BPIFB2: variants seen among roughly 807,000 people sequenced by gnomAD.
The protein encoded by BPIFB2 is BPI fold-containing family B member 2.
Under a neutral mutation model 50.1 loss-of-function variants are expected in BPIFB2, and 39 were observed. That is an observed-to-expected ratio of 0.78 (90% CI 0.60 to 1.02). The LOEUF is 1.02. Ranked by LOEUF, BPIFB2 falls within the 50% of genes least tolerant of loss-of-function variation. BPIFB2 has a pLI of 0.00. For synonymous variants in BPIFB2, 280 were observed against 256.3 expected (o/e 1.09, Z -0.88); for missense variants, 574 against 585.8 (o/e 0.98, Z 0.21).
At chr20:33,023,204 A>G in intron 15 of BPIFB2, 138 bp from the exon 16 acceptor site, 2 of 774,078 alleles carry the variant, frequency 2.6e-6, no homozygotes, top group Non-Finnish European at 4.3e-6. Flanking sequence ...TGGTAAACTG[A>G]GGCCCAGAGA....
At chr20:33,016,882 G>C (rs1600513697) in intron 6 of BPIFB2, among the ~76,000 whole-genome samples, 160 bp from the exon 7 acceptor site, 1 of 152,374 alleles carries the variant, frequency 6.6e-6, no homozygotes, top group Non-Finnish European at 1.5e-5. Flanking sequence ...CCTGGAAGGG[G>C]TCCCAGGAGA....
chr20:33,019,776 G>A, intron 11 of BPIFB2, 26 bp downstream of exon 11: 2 of 1,558,490 alleles, frequency 1.3e-6, no homozygotes, highest in Non-Finnish European at 1.7e-6. Context: ...CTGGTCGGAA[G>A]GCAGGCAACT....
chr20:33,020,911 C>CT (rs1978640564), intron 13 of BPIFB2, among the ~76,000 whole-genome samples: 1 of 152,182 alleles, frequency 6.6e-6, no homozygotes, highest in Non-Finnish European at 1.5e-5. Context: ...ATGCCATCAA[C>CT]ATGCCCCCCT....
chr20:33,013,030 A>G, intron 4 of BPIFB2, 123 bp downstream of exon 4: 2 of 736,486 alleles, frequency 2.7e-6, no homozygotes, highest in Non-Finnish European at 4.6e-6. Flanking sequence ...CTCTCTGTCC[A>G]GTTGCTCTCT....
chr20:33,013,811 G>T lies in BPIFB2; in HGVS notation c.310G>T (p.Ala104Ser). The T allele has an allele frequency of 5.6e-6, 9 of 1,612,574 alleles. No individual in the cohort carries two copies. The South Asian group carries it at 7.7e-5, about 14-fold the overall frequency. ...GGCTCAGGACTGGCATCCCTACAGCGCCCCAGAGCCCCTGGAGCTGACGCT... is the reference window on the plus strand; with the variant it reads ...GGCTCAGGACTGGCATCCCTACAGCTCCCCAGAGCCCCTGGAGCTGACGCT... The part of the protein sequence containing the change: ...AANFTFKVFR[A>S]PEPLELTLPV... The change falls in exon 5 of 16, where the codon GCC becomes TCC. Residue 104 changes from alanine (A) to serine (S), a missense_variant and splice_region_variant. Transcript: ENST00000170150.
rs1600509155 is a variant in BPIFB2, at chr20:33,008,039, T to C, written c.-35+279T>C. 3.3e-5 allele frequency among the ~76,000 whole-genome samples: 5 copies of C among 152,250 alleles called. 1 individual carries two copies. The highest frequency in any genetic ancestry group is 1.2e-4 in the African/African-American group (5 of 41,554). ...GATGGGGGCCATGTGAGAGGCCTAC[T>C]CTTAGGCCATTTACCACCTGGCCAG... On this transcript the variant is annotated intron_variant, in intron 1 of 15. Transcript: ENST00000170150.
rs1231351680 is a variant in BPIFB2 at position 33,021,312 on chromosome 20, T to C, written c.1226T>C (p.Val409Ala). ...TDQVRTLMGT[V>A]FEKPLLDHLN... ...CAGGTGCGCACACTGATGGGCACCG[T>C]TTTTGAGAAGCCCCTGCTGGACCAT... Residue 409 changes from valine (V) to alanine (A), a missense_variant, in exon 14 of 16, where the codon GTT becomes GCT. By Grantham distance (64) the Val-to-Ala change is moderately conservative. Transcript: ENST00000170150. The C allele has an allele frequency of 6.2e-7, 1 of 1,613,854 alleles. No homozygotes were observed. The highest frequency in any genetic ancestry group is 2.2e-5 in the East Asian group (1 of 44,854).
Position 33,020,588 on chromosome 20 carries a change from G to A in BPIFB2, c.1194+1G>A, listed in dbSNP as rs760523396. On this transcript the variant is annotated splice_donor_variant, in intron 13 of 15. Transcript: ENST00000170150. LOFTEE classifies it high-confidence loss of function. ...CTCCTCCAACGTGGGCTTCATTGATGTGAGTGTGGGGCTGGGGCCTCTAGA... is the reference window on the plus strand; with the variant it reads ...CTCCTCCAACGTGGGCTTCATTGATATGAGTGTGGGGCTGGGGCCTCTAGA... 3 of 1,607,538 alleles carry A rather than the reference G, an allele frequency of 1.9e-6. No individual in the cohort carries two copies. Among genetic ancestry groups the A allele is most frequent in the Non-Finnish European group, 2.6e-6 (3 of 1,176,136 alleles).
chr20:33,012,861 G>A lies in BPIFB2; in HGVS notation c.262G>A (p.Gly88Arg), dbSNP rs778593567. ...CCACCTGAAATTCATTGCTGGTTTC[G>A]GAGTGCGCCTGCTGGCAGCAGCTAA... is the stretch of plus-strand genomic sequence containing the variant. Reference protein sequence around the residue: ...RLHLKFIAGFGVRLLAAANFT... With the variant: ...RLHLKFIAGFRVRLLAAANFT... Residue 88 changes from glycine (G) to arginine (R), a missense_variant, in exon 4 of 16, where the codon GGA becomes AGA. Gly to Arg is a moderately radical substitution (Grantham distance 125, BLOSUM62 -2). Coordinates refer to ENST00000170150, the MANE Select transcript of BPIFB2 (RefSeq NM_025227.3). The A allele has an allele frequency of 1.9e-5, 31 of 1,613,942 alleles. No individual in the cohort carries two copies. The highest frequency in any genetic ancestry group is 2.2e-5 in the East Asian group (1 of 44,884).
intron 6 of BPIFB2, 52 bp from the exon 7 acceptor site, chr20:33,016,989 TC>T: frequency 5.2e-6 from 8 of 1,551,590 alleles, no homozygotes; most frequent in Non-Finnish European, 7.1e-6. Flanking sequence ...CCTTGTGCCC[TC>T]CAGCCCCAGG....
chr20:33,020,554 C>A lies in BPIFB2; in HGVS notation c.1161C>A (p.Leu387=). The A allele has an allele frequency of 6.2e-7, 1 of 1,609,262 alleles. No individual in the cohort carries two copies. Among genetic ancestry groups the A allele is most frequent in the Non-Finnish European group, 8.5e-7 (1 of 1,176,890 alleles). Residue 387 remains leucine, a synonymous_variant, in exon 13 of 16, where the codon CTC becomes CTA. Coordinates refer to ENST00000170150, the MANE Select transcript of BPIFB2 (RefSeq NM_025227.3). The part of the protein sequence containing the change: ...GTTSVLGDVQ[L]TVASSNVGFI... ...GCTTCTCTTTCAGGGATGTCCAGCT[C>A]ACGGTGGCCTCCTCCAACGTGGGCT...
chr20:33,008,060 G>A (rs961326999), intron 1 of BPIFB2, among the ~76,000 whole-genome samples: 1 of 152,134 alleles, frequency 6.6e-6, no homozygotes, highest in East Asian at 1.9e-4. Flanking sequence ...TTACCACCTG[G>A]CCAGGAGGGG....
At chr20:33,021,047 C>T (rs982467380) in intron 13 of BPIFB2, among the ~76,000 whole-genome samples, 17 of 152,200 alleles carry the variant, frequency 1.1e-4, no homozygotes, top group African/African-American at 2.7e-4. Flanking sequence ...GCCTCCACTC[C>T]GGTGAGCACT....
rs1482072167 is a variant in BPIFB2 at position 33,007,714 on chromosome 20, G to A, written c.-81G>A. 6.6e-6 allele frequency: 1 copy of A among 152,270 alleles called. No homozygotes were observed. The highest frequency in any genetic ancestry group is 2.4e-5 in the African/African-American group (1 of 41,458). The allele number at this position is 152,270 out of a possible 1,614,324, so 9.4% of individuals were successfully genotyped here. A position where few individuals can be genotyped will look rare whatever the true frequency, so the allele number is the denominator to read the frequency against. Reference sequence around the variant, plus strand: ...GCATCTGCCTGCCTCGGGCAGAGGAGGGCTACCCTGGGGCTGAGAGTTCAC... The same window carrying A: ...GCATCTGCCTGCCTCGGGCAGAGGAAGGCTACCCTGGGGCTGAGAGTTCAC... On this transcript the variant is annotated 5_prime_UTR_variant, in exon 1 of 16. Coordinates refer to ENST00000170150, the MANE Select transcript of BPIFB2 (RefSeq NM_025227.3).
intron 14 of BPIFB2, 53 bp downstream of exon 14, chr20:33,021,397 A>G (rs1978664728): frequency 1.3e-6 from 2 of 1,548,516 alleles, no homozygotes; most frequent in South Asian, 2.3e-5. Flanking sequence ...TCCATATCCC[A>G]CATCTGCTCG....
At chr20:33,015,599 T>TA (rs35897534) in intron 6 of BPIFB2, 103 bp downstream of exon 6, 6,977 of 765,606 alleles carry the variant, frequency 9.1e-3, no homozygotes, top group East Asian at 0.013. Context: ...TGCTTGGGAT[T>TA]AAAAAAAAAA....
In BPIFB2 at chr20:33,023,206, G is replaced by A. The variant is rs904141660; in HGVS notation, c.1336-136G>A. 2.4e-5 allele frequency: 19 copies of A among 796,882 alleles called. No individual in the cohort carries two copies. The African/African-American group carries it at 3.1e-4, about 13-fold the overall frequency. The allele number at this position is 796,882 out of a possible 1,614,324, so 49.4% of individuals were successfully genotyped here. On this transcript the variant is annotated intron_variant, in intron 15 of 15. Transcript: ENST00000170150. Reference sequence around the variant, plus strand: ...CAAAGTGACAGACTGGTAAACTGAGGCCCAGAGAGGCAAAGGACTCTCCTC... The same window carrying A: ...CAAAGTGACAGACTGGTAAACTGAGACCCAGAGAGGCAAAGGACTCTCCTC...
rs547253322 is a variant in BPIFB2, at chr20:33,009,854, T to C, written c.110-1170T>C. On this transcript the variant is annotated intron_variant, in intron 2 of 15. Transcript: ENST00000170150. The surrounding 1 kb of genome is among the most constrained non-coding windows in gnomAD (Gnocchi z 4.2). ...GGACGCATTGCTCCCCAGGCTGGGC[T>C]GAGTGGCTACTTCCAGTGTCCTCCC... 3.4e-4 allele frequency among the ~76,000 whole-genome samples: 52 copies of C among 152,350 alleles called. No homozygotes were observed. The highest frequency in any genetic ancestry group is 1.2e-3 in the African/African-American group (48 of 41,574).
In BPIFB2 at chr20:33,009,019, C is replaced by T. The variant is rs536698384; in HGVS notation, c.109+336C>T. Among the ~76,000 whole-genome samples the T allele has an allele frequency of 6.6e-6, 1 of 152,114 alleles. No homozygotes were observed. The highest frequency in any genetic ancestry group is 2.1e-4 in the South Asian group (1 of 4,826). On this transcript the variant is annotated intron_variant, in intron 2 of 15. Transcript: ENST00000170150. This position sits in a 1 kb window ranked among gnomAD's most constrained non-coding sequence, Gnocchi z 4.2. ...GAGTTTGAAATTTCATAGAGCTGTG[C>T]CCACGTGTGTACTTAAGTGTCGGGG...
Sources: allele counts gnomAD v4.1 joint callset (sites outside exome capture counted in the v4.1 genomes callset), GRCh38; gene constraint gnomAD v4.1.1; non-coding constraint Gnocchi (gnomAD v3.1); transcripts MANE v1.5; gene names NCBI Gene and HGNC (gene_info 2026-07-23, HGNC 2026-07-21).